Variants in DNAH11 observed in about 807,000 individuals in gnomAD.
The protein encoded by DNAH11 is axonemal beta dynein heavy chain 11.
In DNAH11, 442 loss-of-function variants were observed where a neutral mutation model predicts 526.0. That is an observed-to-expected ratio of 0.84 (90% CI 0.78 to 0.91). The LOEUF (loss-of-function observed/expected upper bound fraction) is 0.91, where lower values mean the gene tolerates loss of function less well. DNAH11 is among the 40% of genes least tolerant of loss of function. The pLI is 0.00. For synonymous variants in DNAH11, 2,461 were observed against 1,935.9 expected (o/e 1.27, Z -7.12); for missense variants, 6,989 against 5,448.7 (o/e 1.28, Z -8.90).
At chr7:21,779,198 G>A in intron 57 of DNAH11, 94 bp downstream of exon 57, 2 of 1,419,654 alleles carry the variant, frequency 1.4e-6, no homozygotes, top group Non-Finnish European at 1.9e-6. Flanking sequence ...CCTCTCCAGG[G>A]AGCATAAAGT....
At chr7:21,783,144 T>A (rs1327723203) in intron 57 of DNAH11, among the ~76,000 whole-genome samples, 1 of 152,140 alleles carries the variant, frequency 6.6e-6, no homozygotes, top group Non-Finnish European at 1.5e-5. Flanking sequence ...CAGTGTTCTG[T>A]AGCATACAGA....
intron 79 of DNAH11, among the ~76,000 whole-genome samples, chr7:21,897,883 C>T (rs1366609518): frequency 6.6e-6 from 1 of 152,208 alleles, no homozygotes; most frequent in Middle Eastern, 3.2e-3. Context: ...TCCCAAAGTG[C>T]TGGGATTACA....
intron 60 of DNAH11, 98 bp downstream of exon 60, chr7:21,787,681 A>C: frequency 1.8e-6 from 2 of 1,090,396 alleles, no homozygotes; most frequent in Non-Finnish European, 2.5e-6. Context: ...TTGTTATTTC[A>C]TTTTCTGAAT....
rs1788338787 is a variant in DNAH11, at chr7:21,789,440, C to A, written c.10026+98C>A. The A allele has an allele frequency of 1.1e-5, 8 of 714,254 alleles. No individual in the cohort carries two copies. The South Asian group carries it at 1.7e-4, about 15-fold the overall frequency. 44.2% of individuals were successfully genotyped at this position (714,254 alleles called of 1,614,324 possible). On this transcript the variant is annotated intron_variant, in intron 61 of 81. Coordinates refer to ENST00000409508, the MANE Select transcript of DNAH11 (RefSeq NM_001277115.2). ...AGACAGCACCATATCTGAGCCCTAT[C>A]AAGCAGAAAGGAATTCGATCTTCCA...
At position 21,545,132 on chromosome 7, in the gene DNAH11, T is replaced by A; in HGVS notation, c.478T>A (p.Ser160Thr). The A allele has an allele frequency of 2.5e-6, 4 of 1,610,386 alleles. No homozygotes were observed. The highest frequency in any genetic ancestry group is 3.4e-6 in the Non-Finnish European group (4 of 1,178,114). The change falls in exon 2 of 82, where the codon TCT (serine) becomes ACT (threonine). Residue 160 changes from serine (S) to threonine (T), a missense_variant. Ser to Thr is a moderately conservative substitution (Grantham distance 58, BLOSUM62 1). Transcript: ENST00000409508. ...ACCTGCGTTGTCTCTTGGACATGTA[T>A]CTGCTTTCCTTGATGAGGTACTGGT... is the stretch of plus-strand genomic sequence containing the variant. ...ELPALSLGHV[S>T]AFLDEILVPV... is the part of the protein sequence containing the mutation.
chr7:21,794,558 T>C (rs1365890626), intron 61 of DNAH11, among the ~76,000 whole-genome samples: 1 of 152,202 alleles, frequency 6.6e-6, no homozygotes, highest in Non-Finnish European at 1.5e-5. Flanking sequence ...CCCAAGAAGA[T>C]ACTCTGGCTT....
chr7:21,543,128 G>C lies in DNAH11; in HGVS notation c.-118G>C. On this transcript the variant is annotated 5_prime_UTR_variant, in exon 1 of 82. Transcript: ENST00000409508. ...CAGCAGGTGGGAGACTAGGGTCTGC[G>C]CTCGCGGCGACCGCGGAGGAGGGTG... 7.0e-7 allele frequency: 1 copy of C among 1,433,396 alleles called. No homozygotes were observed. Among genetic ancestry groups the C allele is most frequent in the South Asian group, 1.5e-5 (1 of 65,986 alleles). 88.8% of individuals were successfully genotyped at this position (1,433,396 alleles called of 1,614,324 possible).
intron 28 of DNAH11, among the ~76,000 whole-genome samples, chr7:21,643,436 TA>T (rs1787211024): frequency 3.3e-5 from 5 of 152,134 alleles, no homozygotes; most frequent in Admixed American, 3.3e-4. Flanking sequence ...CCATAAAGGT[TA>T]GGTTTGGAGA....
At chr7:21,766,023 T>C (rs984844587) in intron 55 of DNAH11, among the ~76,000 whole-genome samples, 2 of 152,200 alleles carry the variant, frequency 1.3e-5, no homozygotes, top group African/African-American at 4.8e-5. Context: ...AGGCAATGAA[T>C]TGTGGTTATT....
At chr7:21,681,499 C>T (rs1325775240) in intron 30 of DNAH11, 47 bp from the exon 31 acceptor site, 2 of 1,578,180 alleles carry the variant, frequency 1.3e-6, no homozygotes, top group Admixed American at 1.8e-5. Flanking sequence ...CTCTTAAATT[C>T]TGTATTTGTA....
rs1784446105 is a variant in DNAH11, at chr7:21,894,715, T to C, written c.12843T>C (p.Tyr4281=). Residue 4281 remains tyrosine, a synonymous_variant, in exon 78 of 82, where the codon TAT becomes TAC. Transcript: ENST00000409508. ...IMQKNSNRSP[Y]VLVCFQECER... ...AAAAAAATTCAAATAGAAGCCCATATGTTCTTGTTTGCTTCCAAGAATGTG... is the reference window on the plus strand; with the variant it reads ...AAAAAAATTCAAATAGAAGCCCATACGTTCTTGTTTGCTTCCAAGAATGTG... The C allele has an allele frequency of 6.2e-7, 1 of 1,613,698 alleles. No homozygotes were observed. The highest frequency in any genetic ancestry group is 8.5e-7 in the Non-Finnish European group (1 of 1,179,848).
In DNAH11 at chr7:21,842,866, G is replaced by T. The variant is rs894893164; in HGVS notation, c.10896+118G>T. 5.7e-6 allele frequency: 5 copies of T among 879,368 alleles called. No individual in the cohort carries two copies. In the African/African-American group the frequency reaches 8.5e-5, roughly 15 times the overall value. The allele number at this position is 879,368 out of a possible 1,614,324, so 54.5% of individuals were successfully genotyped here. The stretch of plus-strand genomic sequence containing the variant: ...CCCTCTAGAATCCTGCAACCTAATT[G>T]GGAAAAATAAGTATACATGTTAAAA... On this transcript the variant is annotated intron_variant, in intron 66 of 81. Transcript: ENST00000409508.
chr7:21,650,638 ATTATTATTTTT>A (rs1032729129), intron 28 of DNAH11, among the ~76,000 whole-genome samples: 4 of 137,976 alleles, frequency 2.9e-5, no homozygotes, highest in African/African-American at 1.1e-4. Flanking sequence ...TTATTATTTT[ATTATTATTTTT>A]TTCTTTGGAG....
At position 21,794,989 on chromosome 7, in the gene DNAH11, T is replaced by C. The variant is rs371642384; in HGVS notation, c.10026+5647T>C. On this transcript the variant is annotated intron_variant, in intron 61 of 81. Transcript: ENST00000409508. Reference sequence around the variant, plus strand: ...TCTGCTGCTCAGAGTTTTTTACCTCTCTGTGGCTCTGGGTAGTGTCTCTGA... The same window carrying C: ...TCTGCTGCTCAGAGTTTTTTACCTCCCTGTGGCTCTGGGTAGTGTCTCTGA... Among the ~76,000 whole-genome samples, 90 of 152,258 alleles carry C rather than the reference T, an allele frequency of 5.9e-4. 2 individuals are homozygous for C. In the South Asian group the frequency reaches 0.016, roughly 27 times the overall value.
intron 35 of DNAH11, 56 bp from the exon 36 acceptor site, chr7:21,698,019 A>G (rs1783921387): frequency 1.9e-6 from 3 of 1,542,648 alleles, no homozygotes; most frequent in South Asian, 2.4e-5. Context: ...GATTTCAGCA[A>G]TTTGTACTTA....
At chr7:21,741,730 C>T (rs574057549) in intron 48 of DNAH11, among the ~76,000 whole-genome samples, 197 bp from the exon 49 acceptor site, 8 of 152,276 alleles carry the variant, frequency 5.3e-5, no homozygotes, top group African/African-American at 9.6e-5. Context: ...CCTCTGACAA[C>T]GAGTGGCACA....
In DNAH11 at chr7:21,763,306, C is replaced by T. The variant is rs1787005388; in HGVS notation, c.8941-2122C>T. On this transcript the variant is annotated intron_variant, in intron 54 of 81. Coordinates refer to ENST00000409508, the MANE Select transcript of DNAH11 (RefSeq NM_001277115.2). ...GCAGCAAGCCGAGATTGTGCCACTG[C>T]ACTCCAGCCTGGGCAACAGAGCAAG... is the stretch of plus-strand genomic sequence containing the variant. Among the ~76,000 whole-genome samples, 3 of 142,924 alleles carry T rather than the reference C, an allele frequency of 2.1e-5. No individual in the cohort carries two copies. The Admixed American group carries it at 2.1e-4, about 10-fold the overall frequency. 93.8% of individuals were successfully genotyped at this position (142,924 alleles called of 152,430 possible).
At chr7:21,892,327 C>G in intron 76 of DNAH11, 98 bp from the exon 77 acceptor site, 1 of 1,505,350 alleles carries the variant, frequency 6.6e-7, no homozygotes, top group Non-Finnish European at 8.9e-7. Flanking sequence ...CAGCATTGTG[C>G]TGGAGCCTTC....
At chr7:21,830,862 A>G (rs144878302) in intron 65 of DNAH11, among the ~76,000 whole-genome samples, 281 of 152,278 alleles carry the variant, frequency 1.8e-3, no homozygotes, top group African/African-American at 6.4e-3. Context: ...GTACAAATAT[A>G]TGGTATTTGT....
Sources: gnomAD v4.1 joint callset for allele counts (sites outside exome capture counted in the v4.1 genomes callset) on GRCh38, gnomAD v4.1.1 for gene constraint, MANE v1.5 for transcripts, NCBI Gene and HGNC (gene_info 2026-07-23, HGNC 2026-07-21) for gene names.